The following ELOVL6 variants were observed in gnomAD, a reference collection of about 807,000 sequenced individuals.
ELOVL6 encodes the protein very long chain fatty acid elongase 6.
Under a neutral mutation model 31.7 loss-of-function variants are expected in ELOVL6, and 8 were observed. The ratio of observed to expected loss-of-function variants is 0.25; its 90% CI spans 0.15 to 0.45. The LOEUF (loss-of-function observed/expected upper bound fraction) is 0.45. Among genes scored for constraint, ELOVL6 ranks in the 20% least tolerant of loss-of-function variants. The pLI, the probability that ELOVL6 is intolerant of heterozygous loss-of-function variation, is 1.00. For synonymous variants in ELOVL6, 101 were observed against 117.7 expected, an observed-to-expected ratio of 0.86 and a Z score of 0.92; for missense variants, 126 against 326.4, an observed-to-expected ratio of 0.39 and a Z score of 4.73.
chr4:110,126,300 C>A (rs1757497147), intron 1 of ELOVL6, among the ~76,000 whole-genome samples: 1 of 152,148 alleles, frequency 6.6e-6, no homozygotes, highest in Non-Finnish European at 1.5e-5. Context: ...CCTGCCTCGG[C>A]CTCCCAAAGT....
chr4:110,136,584 T>C (rs1432016504), intron 1 of ELOVL6, among the ~76,000 whole-genome samples: 1 of 152,192 alleles, frequency 6.6e-6, no homozygotes, highest in East Asian at 1.9e-4. Flanking sequence ...CTTTATTTAC[T>C]CAGAATAGTC....
Position 110,195,540 on chromosome 4 carries a change from A to T in ELOVL6, c.89+2707T>A, listed in dbSNP as rs574578787. 2.6e-3 allele frequency among the ~76,000 whole-genome samples: 401 copies of T among 151,738 alleles called. 1 individual carries two copies. The highest frequency in any genetic ancestry group is 9.3e-3 in the African/African-American group (383 of 41,402). ...GAGAAATGCACAAAATCTGGCATTTAAAAAAAAACATGAAAGTAAGACAAT... is the reference window on the plus strand; with the variant it reads ...GAGAAATGCACAAAATCTGGCATTTTAAAAAAAACATGAAAGTAAGACAAT... On this transcript the variant is annotated intron_variant, in intron 1 of 3. Coordinates refer to ENST00000302274, the MANE Select transcript of ELOVL6 (RefSeq NM_024090.3).
intron 1 of ELOVL6, among the ~76,000 whole-genome samples, chr4:110,183,880 G>A (rs561469114): frequency 1.7e-4 from 26 of 152,272 alleles, no homozygotes; most frequent in Non-Finnish European, 2.6e-4. Flanking sequence ...TATTTGGAAG[G>A]CTGAAGTGGG....
chr4:110,105,426 G>C, intron 2 of ELOVL6, 71 bp downstream of exon 2: 1 of 1,414,434 alleles, frequency 7.1e-7, no homozygotes, highest in South Asian at 1.3e-5. Context: ...AAAATCAAAT[G>C]CTCAATCATT....
At chr4:110,197,975 C>A in intron 1 of ELOVL6, 2 of 524,220 alleles carry the variant, frequency 3.8e-6, no homozygotes, top group South Asian at 4.4e-5. Flanking sequence ...AGACATCACC[C>A]TGTGCACACA....
At chr4:110,150,164 G>A (rs771619199) in intron 1 of ELOVL6, among the ~76,000 whole-genome samples, 12 of 151,888 alleles carry the variant, frequency 7.9e-5, no homozygotes, top group Non-Finnish European at 1.6e-4. Context: ...CTTCTGCTTC[G>A]GCCTCCCAAA....
At chr4:110,091,168 G>A (rs1297692339) in intron 2 of ELOVL6, among the ~76,000 whole-genome samples, 2 of 152,212 alleles carry the variant, frequency 1.3e-5, no homozygotes, top group South Asian at 4.1e-4. Flanking sequence ...AAGGATCCAT[G>A]TCCTTAAGGA....
chr4:110,172,276 A>T (rs1040333357), intron 1 of ELOVL6, among the ~76,000 whole-genome samples: 1 of 152,188 alleles, frequency 6.6e-6, no homozygotes, highest in Non-Finnish European at 1.5e-5. Context: ...TTGCTTGGGT[A>T]GTGGTGTGAG....
chr4:110,069,019 T>C (rs1448787123), intron 2 of ELOVL6, among the ~76,000 whole-genome samples: 1 of 151,868 alleles, frequency 6.6e-6, no homozygotes, highest in Non-Finnish European at 1.5e-5. Context: ...GCAGCGCCTG[T>C]AGTCCCAGCT....
At chr4:110,143,334 T>C (rs1758017584) in intron 1 of ELOVL6, among the ~76,000 whole-genome samples, 1 of 152,180 alleles carries the variant, frequency 6.6e-6, no homozygotes, top group Admixed American at 6.5e-5. Flanking sequence ...AGATATTAGA[T>C]GTATAATATT....
chr4:110,059,291 C>T (rs1755076541), intron 3 of ELOVL6, among the ~76,000 whole-genome samples: 1 of 152,186 alleles, frequency 6.6e-6, no homozygotes. Context: ...AATATTAGCT[C>T]AGCTCAGTGG....
At chr4:110,080,004 A>G (rs1201320441) in intron 2 of ELOVL6, among the ~76,000 whole-genome samples, 3 of 152,224 alleles carry the variant, frequency 2.0e-5, no homozygotes, top group Admixed American at 6.5e-5. Flanking sequence ...AAATGGATAA[A>G]TTCCTCGACA....
intron 2 of ELOVL6, among the ~76,000 whole-genome samples, chr4:110,082,833 A>G (rs923642999): frequency 4.6e-5 from 7 of 152,236 alleles, no homozygotes; most frequent in African/African-American, 1.7e-4. Flanking sequence ...ATGACTGTGT[A>G]TGATAGGCCA....
At chr4:110,083,461 G>A (rs573599357) in intron 2 of ELOVL6, among the ~76,000 whole-genome samples, 23 of 151,780 alleles carry the variant, frequency 1.5e-4, no homozygotes, top group Admixed American at 4.6e-4. Flanking sequence ...AGAGGCTGGC[G>A]GTGATGGGGA....
intron 2 of ELOVL6, among the ~76,000 whole-genome samples, chr4:110,095,013 T>C (rs1042410073): frequency 1.3e-5 from 2 of 152,140 alleles, no homozygotes; most frequent in African/African-American, 2.4e-5. Context: ...TAAGGCAATA[T>C]ATAGTCTGGT....
At chr4:110,091,009 G>A (rs1756413313) in intron 2 of ELOVL6, among the ~76,000 whole-genome samples, 2 of 152,186 alleles carry the variant, frequency 1.3e-5, no homozygotes, top group South Asian at 2.1e-4. Context: ...TAAAGGTATG[G>A]CAGAAAGAGG....
rs1754752315 is a variant in ELOVL6, at chr4:110,048,384, ATG to A, written c.*2952_*2953del. The A allele has an allele frequency of 6.6e-6, 1 of 152,232 alleles. No homozygotes were observed. Among genetic ancestry groups the A allele is most frequent in the African/African-American group, 2.4e-5 (1 of 41,458 alleles). The allele number at this position is 152,232 out of a possible 1,614,324, so 9.4% of individuals were successfully genotyped here. A position where few individuals can be genotyped will look rare whatever the true frequency, so the allele number is the denominator to read the frequency against. On this transcript the variant is annotated 3_prime_UTR_variant, in exon 4 of 4. Coordinates refer to ENST00000302274, the MANE Select transcript of ELOVL6 (RefSeq NM_024090.3). ...ATGCTCAGACCTAGTGTATGAAATCATGTGTGTATGAAATAAAGGATTTTTTT... is the reference window on the plus strand; with the variant it reads ...ATGCTCAGACCTAGTGTATGAAATCATGTGTATGAAATAAAGGATTTTTTT...
intron 2 of ELOVL6, among the ~76,000 whole-genome samples, chr4:110,078,203 G>A (rs926149129): frequency 2.6e-5 from 4 of 152,166 alleles, no homozygotes; most frequent in African/African-American, 9.7e-5. Flanking sequence ...AATCTAGCAA[G>A]GCAGGACAAC....
intron 1 of ELOVL6, among the ~76,000 whole-genome samples, chr4:110,130,949 A>G (rs1019952130): frequency 6.6e-6 from 1 of 152,256 alleles, no homozygotes; most frequent in Admixed American, 6.5e-5. Flanking sequence ...TTTAACACAT[A>G]TAAAGATCAT....
Sources: gnomAD v4.1 joint callset for allele counts (sites outside exome capture counted in the v4.1 genomes callset) on GRCh38, gnomAD v4.1.1 for gene constraint, MANE v1.5 for transcripts, NCBI Gene and HGNC (gene_info 2026-07-23, HGNC 2026-07-21) for gene names.